LRP1B: variants seen among roughly 807,000 people sequenced by gnomAD.
LRP1B encodes low-density lipoprotein receptor-related protein 1B.
In LRP1B, 217 loss-of-function variants were observed where a neutral mutation model predicts 556.6. The ratio of observed to expected loss-of-function variants is 0.39; its 90% CI spans 0.35 to 0.44. The LOEUF (loss-of-function observed/expected upper bound fraction) is 0.44, where lower values mean the gene tolerates loss of function less well. LRP1B is among the 20% of genes least tolerant of loss of function. LRP1B has a pLI of 1.00. For synonymous variants in LRP1B, 2,047 were observed against 1,865.8 expected (o/e 1.10, Z -2.50); for missense variants, 5,053 against 5,620.8 (o/e 0.90, Z 3.23).
intron 7 of LRP1B, among the ~76,000 whole-genome samples, chr2:141,161,574 A>G (rs760220203): frequency 2.0e-5 from 3 of 152,140 alleles, no homozygotes; most frequent in Non-Finnish European, 4.4e-5. Flanking sequence ...ACCTTTGTAA[A>G]GCAAAGGCAT....
chr2:140,759,798 T>C (rs1688854510), intron 35 of LRP1B, among the ~76,000 whole-genome samples: 1 of 152,212 alleles, frequency 6.6e-6, no homozygotes, highest in East Asian at 1.9e-4. Context: ...AATAATTCTA[T>C]TGGTGATATA....
At chr2:142,001,505 T>C (rs1702652600) in intron 1 of LRP1B, among the ~76,000 whole-genome samples, 2 of 152,136 alleles carry the variant, frequency 1.3e-5, no homozygotes, top group Non-Finnish European at 2.9e-5. Flanking sequence ...TGCTACTCAA[T>C]GGACTGATTG....
intron 1 of LRP1B, among the ~76,000 whole-genome samples, chr2:141,905,763 A>ACGTGTGTGTGTGT (rs71338143): frequency 0.035 from 3,988 of 115,138 alleles, 177 homozygotes; most frequent in East Asian, 0.059. Flanking sequence ...TGGTTTGAAT[A>ACGTGTGTGTGTGT]GATGTGTGTG....
chr2:141,529,709 A>G (rs1365884982), intron 2 of LRP1B, among the ~76,000 whole-genome samples: 1 of 152,016 alleles, frequency 6.6e-6, no homozygotes, highest in East Asian at 1.9e-4. Flanking sequence ...AATCATACCA[A>G]CCTTTATCAT....
At chr2:141,063,987 G>C (rs1243243852) in intron 7 of LRP1B, among the ~76,000 whole-genome samples, 2 of 151,752 alleles carry the variant, frequency 1.3e-5, no homozygotes, top group African/African-American at 4.8e-5. Flanking sequence ...TAAGGAGAGA[G>C]GTGAGTCTGA....
intron 7 of LRP1B, among the ~76,000 whole-genome samples, chr2:141,074,475 C>A (rs926859339): frequency 1.2e-4 from 18 of 151,528 alleles, no homozygotes; most frequent in African/African-American, 3.9e-4. Flanking sequence ...AGACTACAAC[C>A]TCCAAGAGGC....
intron 2 of LRP1B, among the ~76,000 whole-genome samples, chr2:141,734,613 T>C (rs1364892994): frequency 6.6e-6 from 1 of 152,158 alleles, no homozygotes; most frequent in Non-Finnish European, 1.5e-5. Context: ...AAGTTTTCTT[T>C]TGGTTTCTGC....
chr2:142,113,055 T>C (rs1000906309), intron 1 of LRP1B, among the ~76,000 whole-genome samples: 4 of 152,088 alleles, frequency 2.6e-5, no homozygotes, highest in African/African-American at 9.7e-5. Flanking sequence ...AGCCTCAACA[T>C]ATCTTGGTAA....
At chr2:141,670,021 G>A (rs932015321) in intron 2 of LRP1B, among the ~76,000 whole-genome samples, 4 of 152,134 alleles carry the variant, frequency 2.6e-5, no homozygotes, top group Non-Finnish European at 4.4e-5. Context: ...CCAAAGTGCT[G>A]GGATTACAGG....
At chr2:141,237,083 G>A (rs1324434771) in intron 5 of LRP1B, among the ~76,000 whole-genome samples, 2 of 152,188 alleles carry the variant, frequency 1.3e-5, no homozygotes, top group Admixed American at 1.3e-4. Flanking sequence ...AAAGTAGGAG[G>A]TGTTGAAATC....
At chr2:140,470,144 T>C (rs931337676) in intron 60 of LRP1B, among the ~76,000 whole-genome samples, 1 of 152,106 alleles carries the variant, frequency 6.6e-6, no homozygotes, top group South Asian at 2.1e-4. Context: ...AGAGTATAGG[T>C]TTTCTCCTCC....
intron 3 of LRP1B, among the ~76,000 whole-genome samples, chr2:141,331,541 T>TTTCTTTC (rs1553497577): frequency 0.039 from 5,664 of 144,722 alleles, 168 homozygotes; most frequent in Non-Finnish European, 0.054. Flanking sequence ...TCTTTCTTTC[T>TTTCTTTC]TTCTTTCTTT....
intron 2 of LRP1B, among the ~76,000 whole-genome samples, chr2:141,616,370 A>G (rs574792204): frequency 6.8e-6 from 1 of 146,158 alleles, no homozygotes; most frequent in East Asian, 1.9e-4. Flanking sequence ...AATGAAAACA[A>G]TAATCATATT....
rs1263088075 is a variant in LRP1B at position 140,951,931 on chromosome 2, G to T, written c.2897C>A (p.Thr966Asn). ...TACGAATTGGGTTAGTGGCTCACAA[G>T]TTGGGAATTCTGTGAAAGATATAAA... ...TDEMASCEFP[T>N]CEPLTQFVCK... Residue 966 changes from threonine to asparagine, a missense_variant, in exon 19 of 91, where the codon ACT becomes AAT. This residue lies in a region of LRP1B where 3,619 missense variants were observed against 3,931.9 expected (regional missense o/e 0.92). Coordinates refer to ENST00000389484, the MANE Select transcript of LRP1B (RefSeq NM_018557.3). 1 of 1,612,774 alleles carries T rather than the reference G, an allele frequency of 6.2e-7. No individual in the cohort carries two copies. Among genetic ancestry groups the T allele is most frequent in the East Asian group, 2.2e-5 (1 of 44,856 alleles).
intron 2 of LRP1B, among the ~76,000 whole-genome samples, chr2:141,612,449 G>T (rs1688138558): frequency 6.6e-6 from 1 of 152,180 alleles, no homozygotes; most frequent in Non-Finnish European, 1.5e-5. Flanking sequence ...ATAGGGTAGA[G>T]TTGTGGGCAC....
intron 3 of LRP1B, among the ~76,000 whole-genome samples, chr2:141,392,460 TAAAAAA>T (rs10636398): frequency 2.1e-5 from 2 of 96,070 alleles, no homozygotes; most frequent in African/African-American, 4.1e-5. Flanking sequence ...TGTCCTCTCT[TAAAAAA>T]AAAAAAAAAA....
At chr2:140,918,228 CTT>C (rs1262622705) in intron 21 of LRP1B, among the ~76,000 whole-genome samples, 1 of 148,028 alleles carries the variant, frequency 6.8e-6, no homozygotes, top group Admixed American at 6.8e-5. Context: ...GTAGAGAATG[CTT>C]TTTGTAAATT....
chr2:141,283,591 A>T (rs2105392848), intron 3 of LRP1B, among the ~76,000 whole-genome samples: 1 of 150,278 alleles, frequency 6.7e-6, no homozygotes, highest in South Asian at 2.1e-4. Context: ...GTCCTTGAGG[A>T]TGTGAGAGCA....
At chr2:140,973,326 A>G (rs1412114265) in intron 18 of LRP1B, among the ~76,000 whole-genome samples, 1 of 151,968 alleles carries the variant, frequency 6.6e-6, no homozygotes, top group Non-Finnish European at 1.5e-5. Flanking sequence ...GGCTTATCCA[A>G]TCTTTGAATT....
Sources: allele counts gnomAD v4.1 joint callset (sites outside exome capture counted in the v4.1 genomes callset), GRCh38; gene constraint gnomAD v4.1.1; regional missense constraint gnomAD v4.1.1; transcripts MANE v1.5; gene names NCBI Gene and HGNC (gene_info 2026-07-23, HGNC 2026-07-21).